SPAG16: variants seen among roughly 807,000 people sequenced by gnomAD.
SPAG16 encodes the protein sperm associated antigen 16.
Under a neutral mutation model 80.4 loss-of-function variants are expected in SPAG16, and 86 were observed. That is an observed-to-expected ratio of 1.07 (90% CI 0.90 to 1.28). SPAG16 has a LOEUF of 1.28. Among genes scored for constraint, SPAG16 ranks in the 50% most tolerant of loss-of-function variants. The pLI is 0.00. For missense variants in SPAG16, 870 were observed against 765.3 expected (o/e 1.14, Z -1.61); for synonymous variants, 294 against 265.9 (o/e 1.11, Z -1.03).
At chr2:214,234,023 C>T (rs919269251) in intron 15 of SPAG16, among the ~76,000 whole-genome samples, 1 of 151,968 alleles carries the variant, frequency 6.6e-6, no homozygotes, top group African/African-American at 2.4e-5. Flanking sequence ...CTTCCTGATG[C>T]TCTCCCTCCT....
chr2:213,945,282 AACAC>A (rs748950713), intron 12 of SPAG16, among the ~76,000 whole-genome samples: 4 of 147,368 alleles, frequency 2.7e-5, no homozygotes, highest in African/African-American at 7.5e-5. Context: ...TATATACACA[AACAC>A]ACACATATAT....
chr2:213,384,218 T>A (rs1335403773), intron 9 of SPAG16, among the ~76,000 whole-genome samples: 1 of 152,206 alleles, frequency 6.6e-6, no homozygotes, highest in African/African-American at 2.4e-5. Flanking sequence ...TGCAGTATTA[T>A]TTTTTATGAA....
intron 6 of SPAG16, among the ~76,000 whole-genome samples, chr2:213,343,452 CAATA>C (rs918153533): frequency 1.3e-5 from 2 of 151,714 alleles, no homozygotes; most frequent in Non-Finnish European, 2.9e-5. Context: ...GTCCAACATA[CAATA>C]AATAAATAAA....
At chr2:214,323,336 T>TATA (rs1559212252) in intron 15 of SPAG16, among the ~76,000 whole-genome samples, 2 of 149,276 alleles carry the variant, frequency 1.3e-5, no homozygotes, top group African/African-American at 4.9e-5. Flanking sequence ...ATATATATAT[T>TATA]TATTTATTTA....
chr2:213,747,533 T>C (rs1395126837), intron 10 of SPAG16, among the ~76,000 whole-genome samples: 2 of 152,194 alleles, frequency 1.3e-5, no homozygotes, highest in African/African-American at 4.8e-5. Context: ...GGGTATACCA[T>C]TCTTATCTTT....
intron 10 of SPAG16, among the ~76,000 whole-genome samples, chr2:213,551,986 G>T (rs550118217): frequency 3.6e-4 from 55 of 152,124 alleles, no homozygotes; most frequent in African/African-American, 1.2e-3. Flanking sequence ...GTCTAAATCT[G>T]CCTCCATTCA....
At position 213,434,578 on chromosome 2, in the gene SPAG16, G is replaced by A. The variant is rs142763325; in HGVS notation, c.943-55385G>A. On this transcript the variant is annotated intron_variant, in intron 9 of 15. Coordinates refer to ENST00000331683, the MANE Select transcript of SPAG16 (RefSeq NM_024532.5). ...TATTTGCAAACTATGCATCTGATAG[G>A]GGACTGATATCCAGAATTTATAGGG... 8.2e-3 allele frequency among the ~76,000 whole-genome samples: 1,251 copies of A among 152,180 alleles called. 10 individuals are homozygous for A. The highest frequency in any genetic ancestry group is 0.024 in the Middle Eastern group (7 of 294).
chr2:214,301,059 AT>A (rs1694514707), intron 15 of SPAG16, among the ~76,000 whole-genome samples: 1 of 147,682 alleles, frequency 6.8e-6, no homozygotes, highest in African/African-American at 2.5e-5. Flanking sequence ...AATAATAATA[AT>A]AATAATAAAA....
intron 10 of SPAG16, among the ~76,000 whole-genome samples, chr2:213,579,602 T>C (rs1255320360): frequency 2.0e-5 from 3 of 152,146 alleles, no homozygotes; most frequent in Admixed American, 6.6e-5. Flanking sequence ...TACATATATC[T>C]AAATAAAGAA....
intron 11 of SPAG16, among the ~76,000 whole-genome samples, chr2:213,928,272 T>C (rs890322062): frequency 4.6e-5 from 7 of 151,950 alleles, no homozygotes; most frequent in Admixed American, 3.3e-4. Flanking sequence ...TTTTGTATTT[T>C]TAGTAGAGAC....
chr2:214,177,929 A>G (rs929655288), intron 15 of SPAG16, among the ~76,000 whole-genome samples: 1 of 134,398 alleles, frequency 7.4e-6, no homozygotes, highest in African/African-American at 2.8e-5. Context: ...ATATATATAT[A>G]TATATGGCCA....
intron 13 of SPAG16, among the ~76,000 whole-genome samples, chr2:214,083,991 C>G (rs1392272884): frequency 6.6e-6 from 1 of 152,102 alleles, no homozygotes; most frequent in Non-Finnish European, 1.5e-5. Flanking sequence ...AGCTCTTATA[C>G]TAAATCCACA....
At chr2:213,908,749 T>C (rs2077530134) in intron 11 of SPAG16, among the ~76,000 whole-genome samples, 1 of 21,950 alleles carries the variant, frequency 4.6e-5, no homozygotes, top group Admixed American at 8.3e-4. Context: ...AAGATCATTC[T>C]TTTTTTTTGT....
At chr2:213,528,520 A>T (rs541419138) in intron 10 of SPAG16, among the ~76,000 whole-genome samples, 1 of 152,186 alleles carries the variant, frequency 6.6e-6, no homozygotes, top group East Asian at 1.9e-4. Context: ...TTATTCATTT[A>T]ATTGCCTTCT....
At chr2:213,411,246 C>G (rs1040039920) in intron 9 of SPAG16, among the ~76,000 whole-genome samples, 2 of 152,188 alleles carry the variant, frequency 1.3e-5, no homozygotes, top group Non-Finnish European at 2.9e-5. Flanking sequence ...TTTCGACTCT[C>G]AAGTCTATTT....
intron 15 of SPAG16, among the ~76,000 whole-genome samples, chr2:214,214,163 T>C (rs2058369707): frequency 6.6e-6 from 1 of 150,798 alleles, no homozygotes; most frequent in South Asian, 2.1e-4. Flanking sequence ...GCCTAAAATA[T>C]CCTTCCCAAC....
At chr2:213,577,465 T>C (rs554598551) in intron 10 of SPAG16, among the ~76,000 whole-genome samples, 1 of 152,258 alleles carries the variant, frequency 6.6e-6, no homozygotes, top group East Asian at 1.9e-4. Flanking sequence ...CAGTCCCGTT[T>C]CCTAATCCTC....
chr2:213,287,991 A>G (rs1458714186), intron 1 of SPAG16, among the ~76,000 whole-genome samples: 2 of 152,134 alleles, frequency 1.3e-5, no homozygotes, highest in Non-Finnish European at 2.9e-5. Flanking sequence ...CTGCAACTTC[A>G]AATTCCTGGG....
intron 15 of SPAG16, among the ~76,000 whole-genome samples, chr2:214,324,030 G>T (rs541644066): frequency 1.3e-5 from 2 of 152,272 alleles, no homozygotes; most frequent in African/African-American, 4.8e-5. Flanking sequence ...AAAAGAATCT[G>T]CTATAGAGTA....
Sources: gnomAD v4.1 joint callset for allele counts (sites outside exome capture counted in the v4.1 genomes callset) on GRCh38, gnomAD v4.1.1 for gene constraint, MANE v1.5 for transcripts, NCBI Gene and HGNC (gene_info 2026-07-23, HGNC 2026-07-21) for gene names.